The following ADH7 variants were observed in gnomAD, a reference collection of about 807,000 sequenced individuals.
ADH7 encodes alcohol dehydrogenase 7 (class IV), mu or sigma polypeptide.
In ADH7, 41 loss-of-function variants were observed where a neutral mutation model predicts 34.4. The observed-to-expected ratio is 1.19, with a 90% CI of 0.93 to 1.55. The LOEUF (loss-of-function observed/expected upper bound fraction) is 1.55. Ranked by LOEUF, ADH7 falls within the 40% of genes most tolerant of loss-of-function variation. The pLI is 0.00. For missense variants in ADH7, 540 were observed against 461.2 expected (o/e 1.17, Z -1.56); for synonymous variants, 180 against 160.9 (o/e 1.12, Z -0.90).
chr4:99,416,943 C>CA (rs1721533913), intron 7 of ADH7, among the ~76,000 whole-genome samples: 2 of 152,030 alleles, frequency 1.3e-5, no homozygotes, highest in Admixed American at 1.3e-4. Context: ...TGCTTAGGCC[C>CA]AAAAATCTTG....
intron 5 of ADH7, among the ~76,000 whole-genome samples, chr4:99,421,585 A>T (rs1402052446): frequency 6.6e-6 from 1 of 152,170 alleles, no homozygotes; most frequent in African/African-American, 2.4e-5. Flanking sequence ...CAGAACTTAG[A>T]CATAGGCAAA....
rs143892412 is a variant in ADH7, at chr4:99,413,261, A to G, written c.1101-89T>C. The stretch of plus-strand genomic sequence containing the variant: ...AACAATTGTCCTTTCTATCTGTCAT[A>G]GAAACTTCAAGTAAATTCTGTTATT... On this transcript the variant is annotated intron_variant, in intron 8 of 8. Coordinates refer to ENST00000437033, the MANE Select transcript of ADH7 (RefSeq NM_000673.7). The G allele has an allele frequency of 4.7e-4, 667 of 1,406,288 alleles. 4 individuals carry two copies. In the South Asian group the frequency reaches 5.0e-3, roughly 10 times the overall value. 87.1% of individuals were successfully genotyped at this position (1,406,288 alleles called of 1,614,324 possible). A position where few individuals can be genotyped will look rare whatever the true frequency, so the allele number is the denominator to read the frequency against.
Position 99,417,089 on chromosome 4 carries a change from A to G in ADH7, c.962-1473T>C, listed in dbSNP as rs116111335. The stretch of plus-strand genomic sequence containing the variant: ...AGCATCCTTTCCTTCCAGCATTATA[A>G]TGACTTCTTCCATGCTCTCCCTGCT... On this transcript the variant is annotated intron_variant, in intron 7 of 8. Coordinates refer to ENST00000437033, the MANE Select transcript of ADH7 (RefSeq NM_000673.7). 6.6e-3 allele frequency among the ~76,000 whole-genome samples: 1,009 copies of G among 152,176 alleles called. 10 individuals carry two copies. The highest frequency in any genetic ancestry group is 0.024 in the African/African-American group (976 of 41,510).
chr4:99,415,665 AT>A (rs758844149), intron 7 of ADH7, 49 bp from the exon 8 acceptor site: 3 of 1,555,922 alleles, frequency 1.9e-6, no homozygotes, highest in Non-Finnish European at 2.6e-6. Context: ...AATAATCCTT[AT>A]CTTTTATTAT....
At chr4:99,427,735 AAAG>A (rs1171431746) in intron 5 of ADH7, 35 bp downstream of exon 5, 2 of 1,336,014 alleles carry the variant, frequency 1.5e-6, no homozygotes, top group Non-Finnish European at 2.0e-6. Context: ...TAAGAAAAGG[AAAG>A]AAGAACAAAT....
rs1053516141 is a variant in ADH7 at position 99,430,764 on chromosome 4, C to A, written c.19-1131G>T. On this transcript the variant is annotated intron_variant, in intron 1 of 8. Transcript: ENST00000437033. ...AGAAATCTCACACCACATTCCCAAA[C>A]AAATTCAAGCTGGATTCATTGTTAA... 2.0e-5 allele frequency among the ~76,000 whole-genome samples: 3 copies of A among 152,228 alleles called. No individual in the cohort carries two copies. The South Asian group carries it at 6.2e-4, about 32-fold the overall frequency.
chr4:99,413,205 G>C, intron 8 of ADH7, 33 bp from the exon 9 acceptor site: 1 of 1,609,644 alleles, frequency 6.2e-7, no homozygotes, highest in Non-Finnish European at 8.5e-7. Flanking sequence ...TTAATGACTT[G>C]TTTTCATATC....
In ADH7 at chr4:99,420,699, A is replaced by G. The variant is rs142925993; in HGVS notation, c.659T>C (p.Ile220Thr). Reference sequence around the variant, plus strand: ...TTTGTCTTTGTTGAGGTCAATCCCAATGATCCTAGATGCACCAGCTGACTT... The same window carrying G: ...TTTGTCTTTGTTGAGGTCAATCCCAGTGATCCTAGATGCACCAGCTGACTT... Reference protein sequence around the residue: ...GCKSAGASRIIGIDLNKDKFE... With the variant: ...GCKSAGASRITGIDLNKDKFE... Residue 220 changes from isoleucine to threonine, a missense_variant, in exon 6 of 9, where the codon ATT becomes ACT. Physicochemically the swap from Ile to Thr is moderately conservative, Grantham distance 89 (BLOSUM62 -1). Coordinates refer to ENST00000437033, the MANE Select transcript of ADH7 (RefSeq NM_000673.7). 3.0e-5 allele frequency: 49 copies of G among 1,613,964 alleles called. No individual in the cohort carries two copies. The African/African-American group carries it at 3.1e-4, about 10-fold the overall frequency.
At chr4:99,418,959 C>T (rs747120786) in intron 7 of ADH7, 27 bp downstream of exon 7, 1 of 1,611,284 alleles carries the variant, frequency 6.2e-7, no homozygotes, top group East Asian at 2.2e-5. Context: ...GCCATCACTC[C>T]CCATCCAGAG....
intron 8 of ADH7, 73 bp downstream of exon 8, chr4:99,415,405 G>T (rs1721493308): frequency 7.0e-7 from 1 of 1,425,150 alleles, no homozygotes; most frequent in Non-Finnish European, 9.7e-7. Context: ...GAAGAAAACA[G>T]GCACATTTAT....
At chr4:99,422,970 G>C in intron 5 of ADH7, among the ~76,000 whole-genome samples, 1 of 143,800 alleles carries the variant, frequency 7.0e-6, no homozygotes, top group East Asian at 2.1e-4. Flanking sequence ...CTGGTGTGCT[G>C]CACCCATTAA....
At chr4:99,427,638 G>T (rs1369909055) in intron 5 of ADH7, 135 bp downstream of exon 5, 4 of 528,168 alleles carry the variant, frequency 7.6e-6, no homozygotes, top group Non-Finnish European at 1.2e-5. Flanking sequence ...ATTTGGCATT[G>T]TGTTGCTTGG....
At chr4:99,413,199 T>C in intron 8 of ADH7, 27 bp from the exon 9 acceptor site, 1 of 1,612,250 alleles carries the variant, frequency 6.2e-7, no homozygotes, top group Non-Finnish European at 8.5e-7. Flanking sequence ...GAGTTTTTAA[T>C]GACTTGTTTT....
chr4:99,420,814 G>C, intron 5 of ADH7, 21 bp from the exon 6 acceptor site: 2 of 1,612,004 alleles, frequency 1.2e-6, no homozygotes, highest in South Asian at 2.2e-5. Context: ...GAATGTTCTT[G>C]AACATGTTAG....
chr4:99,412,968 G>A lies in ADH7; in HGVS notation c.*180C>T. The A allele has an allele frequency of 2.0e-6, 1 of 493,188 alleles. No individual in the cohort carries two copies. The highest frequency in any genetic ancestry group is 3.6e-6 in the Non-Finnish European group (1 of 281,422). 30.6% of individuals were successfully genotyped at this position (493,188 alleles called of 1,614,324 possible). ...ATTGTTATTATACTAATTCCCAGGTGCTCACAAGACTTTAAATGTTTATAA... is the reference window on the plus strand; with the variant it reads ...ATTGTTATTATACTAATTCCCAGGTACTCACAAGACTTTAAATGTTTATAA... On this transcript the variant is annotated 3_prime_UTR_variant, in exon 9 of 9. Transcript: ENST00000437033.
chr4:99,420,415 T>A, intron 6 of ADH7, 118 bp downstream of exon 6: 1 of 1,219,484 alleles, frequency 8.2e-7, no homozygotes, highest in East Asian at 2.5e-5. Flanking sequence ...TGAGTAAAAC[T>A]GACTATCGCA....
intron 5 of ADH7, among the ~76,000 whole-genome samples, chr4:99,422,892 T>C (rs1721700765): frequency 6.7e-6 from 1 of 149,546 alleles, no homozygotes. Context: ...TTATTATTAT[T>C]ATACTTTAAG....
intron 1 of ADH7, among the ~76,000 whole-genome samples, chr4:99,431,137 T>G (rs1579581141): frequency 6.6e-6 from 1 of 152,166 alleles, no homozygotes; most frequent in Admixed American, 6.5e-5. Context: ...TATCAATCAG[T>G]GAAGATGTAA....
At chr4:99,426,323 A>C (rs1721804049) in intron 5 of ADH7, among the ~76,000 whole-genome samples, 1 of 152,192 alleles carries the variant, frequency 6.6e-6, no homozygotes, top group Non-Finnish European at 1.5e-5. Context: ...CAAGACTAAT[A>C]AAGAAAAAAA....
Sources: gnomAD v4.1 joint callset for allele counts (sites outside exome capture counted in the v4.1 genomes callset) on GRCh38, gnomAD v4.1.1 for gene constraint, MANE v1.5 for transcripts, NCBI Gene and HGNC (gene_info 2026-07-23, HGNC 2026-07-21) for gene names.